TRUB1: variants seen among roughly 807,000 people sequenced by gnomAD.
TRUB1 encodes TruB pseudouridine synthase family member 1.
Under a neutral mutation model 33.9 loss-of-function variants are expected in TRUB1, and 23 were observed. That is an observed-to-expected ratio of 0.68 (90% CI 0.49 to 0.96). The LOEUF (loss-of-function observed/expected upper bound fraction) is 0.96. Among genes scored for constraint, TRUB1 ranks in the 40% least tolerant of loss-of-function variants. The pLI is 0.00. For synonymous variants in TRUB1, 163 were observed against 165.4 expected, an observed-to-expected ratio of 0.99 and a Z score of 0.11; for missense variants, 378 against 422.2, an observed-to-expected ratio of 0.90 and a Z score of 0.92.
rs2084354736 is a variant in TRUB1 at position 114,975,207 on chromosome 10, A to G, written c.878A>G (p.Asp293Gly). 1 of 1,613,600 alleles carries G rather than the reference A, an allele frequency of 6.2e-7. No homozygotes were observed. The highest frequency in any genetic ancestry group is 2.2e-5 in the East Asian group (1 of 44,876). The change falls in exon 8 of 8, where the codon GAC becomes GGC. Residue 293 changes from aspartate to glycine, a missense_variant. Transcript: ENST00000298746. ...CTAGAAGAACATGCCCTTCCTGAAG[A>G]CAAATGGACAATTGATGACATTGCA... ...FTLEEHALPE[D>G]KWTIDDIAQS...
chr10:114,970,400 C>G lies in TRUB1; in HGVS notation c.556C>G (p.Leu186Val), dbSNP rs11197015. 2.5e-6 allele frequency: 4 copies of G among 1,612,266 alleles called. No homozygotes were observed. The highest frequency in any genetic ancestry group is 2.5e-6 in the Non-Finnish European group (3 of 1,178,850). The change falls in exon 5 of 8, where the codon CTA becomes GTA. Residue 186 changes from leucine (L) to valine (V), a missense_variant. Transcript: ENST00000298746. ...KITQEDIEGI[L>V]QKFTGNIMQV... ...AACACAAGAAGATATTGAAGGCATT[C>G]TACAGAAATTTACTGGAAATATAAT... is the stretch of plus-strand genomic sequence containing the variant.
Position 114,948,704 on chromosome 10 carries a change from G to A in TRUB1, c.386-2390G>A, listed in dbSNP as rs80047431. On this transcript the variant is annotated intron_variant, in intron 2 of 7. Coordinates refer to ENST00000298746, the MANE Select transcript of TRUB1 (RefSeq NM_139169.5). ...TCTTAGGTTAAAATGAGAGGATTAA[G>A]CTGGGTAACTCTAAGATGGCTTCTT... is the stretch of plus-strand genomic sequence containing the variant. Among the ~76,000 whole-genome samples, 867 of 152,300 alleles carry A rather than the reference G, an allele frequency of 5.7e-3. 5 individuals carry two copies. Among genetic ancestry groups the A allele is most frequent in the African/African-American group, 0.019 (810 of 41,548 alleles).
intron 1 of TRUB1, among the ~76,000 whole-genome samples, chr10:114,939,758 AG>A (rs2084177383): frequency 6.6e-6 from 1 of 151,168 alleles, no homozygotes; most frequent in Admixed American, 6.6e-5. Flanking sequence ...GTATCATCAT[AG>A]TTTTTTAGTT....
intron 4 of TRUB1, among the ~76,000 whole-genome samples, chr10:114,963,344 T>A (rs1220492047): frequency 6.6e-6 from 1 of 152,226 alleles, no homozygotes; most frequent in Non-Finnish European, 1.5e-5. Flanking sequence ...GCTCAAGAGT[T>A]GAATTTAGTT....
At chr10:114,967,190 A>G (rs1227418157) in intron 4 of TRUB1, among the ~76,000 whole-genome samples, 1 of 152,216 alleles carries the variant, frequency 6.6e-6, no homozygotes, top group African/African-American at 2.4e-5. Context: ...CAGTGAGATC[A>G]CTGTGCTTTG....
intron 1 of TRUB1, among the ~76,000 whole-genome samples, chr10:114,941,736 C>T (rs1052707600): frequency 2.6e-5 from 4 of 152,112 alleles, no homozygotes; most frequent in African/African-American, 9.7e-5. Flanking sequence ...GCAACTTAAT[C>T]TTAGCTGCTT....
intron 3 of TRUB1, among the ~76,000 whole-genome samples, chr10:114,959,366 T>C (rs919945217): frequency 2.0e-5 from 3 of 152,190 alleles, no homozygotes; most frequent in African/African-American, 7.2e-5. Flanking sequence ...GTCAAGGCTA[T>C]TGTACCATTC....
chr10:114,974,933 G>A (rs2084353307), intron 7 of TRUB1, among the ~76,000 whole-genome samples, 190 bp from the exon 8 acceptor site: 1 of 151,916 alleles, frequency 6.6e-6, no homozygotes, highest in Non-Finnish European at 1.5e-5. Context: ...CTTATAAGGT[G>A]GATTATTAAG....
intron 3 of TRUB1, among the ~76,000 whole-genome samples, chr10:114,957,142 T>C (rs941061847): frequency 4.6e-5 from 7 of 152,220 alleles, no homozygotes; most frequent in African/African-American, 1.7e-4. Context: ...TGTGTTTCTA[T>C]TTAGGAAAGA....
At chr10:114,962,460 C>G (rs2084288487) in intron 4 of TRUB1, among the ~76,000 whole-genome samples, 1 of 152,212 alleles carries the variant, frequency 6.6e-6, no homozygotes, top group Admixed American at 6.5e-5. Context: ...TCTGAAATAA[C>G]AGTTAAAAAT....
In TRUB1 at chr10:114,946,855, G is replaced by A. The variant is rs148923454; in HGVS notation, c.385+4112G>A. Among the ~76,000 whole-genome samples, 380 of 152,202 alleles carry A rather than the reference G, an allele frequency of 2.5e-3. 2 individuals are homozygous for A. Among genetic ancestry groups the A allele is most frequent in the African/African-American group, 8.7e-3 (361 of 41,518 alleles). ...TTCACAAGTTTCTCAAAAATACGTG[G>A]TAGGCAAAATAATGGCCCTCTAAAG... On this transcript the variant is annotated intron_variant, in intron 2 of 7. Coordinates refer to ENST00000298746, the MANE Select transcript of TRUB1 (RefSeq NM_139169.5).
intron 2 of TRUB1, among the ~76,000 whole-genome samples, chr10:114,950,738 A>G (rs571674635): frequency 1.3e-5 from 2 of 152,342 alleles, no homozygotes; most frequent in Non-Finnish European, 1.5e-5. Context: ...TATCATACCC[A>G]CTTGAACATG....
intron 3 of TRUB1, among the ~76,000 whole-genome samples, chr10:114,955,200 C>T (rs11197010): frequency 0.51 from 77,684 of 152,062 alleles, 22,035 homozygotes; most frequent in African/African-American, 0.75. Flanking sequence ...AAGTATAAAA[C>T]GTTGCTTACC....
In TRUB1 at chr10:114,938,365, A is replaced by C; in HGVS notation, c.112A>C (p.Arg38=). 4 of 1,611,164 alleles carry C rather than the reference A, an allele frequency of 2.5e-6. No individual in the cohort carries two copies. The highest frequency in any genetic ancestry group is 3.4e-6 in the Non-Finnish European group (4 of 1,178,914). Residue 38 remains arginine, a synonymous_variant, in exon 1 of 8, where the codon AGG becomes CGG. Coordinates refer to ENST00000298746, the MANE Select transcript of TRUB1 (RefSeq NM_139169.5). Reference sequence around the variant, plus strand: ...AGCAATGGCTGCGACCCCGTCAGCAAGGGCTGCAGCCGCGGTGGTTGCGGC... The same window carrying C: ...AGCAATGGCTGCGACCCCGTCAGCACGGGCTGCAGCCGCGGTGGTTGCGGC... The part of the protein sequence containing the change: ...VAAMAATPSA[R]AAAAVVAAAA...
intron 3 of TRUB1, among the ~76,000 whole-genome samples, chr10:114,957,630 A>G (rs1171329574): frequency 6.6e-6 from 1 of 152,218 alleles, no homozygotes; most frequent in Non-Finnish European, 1.5e-5. Context: ...ATAAGGTTTG[A>G]TCCTTAGAGA....
intron 7 of TRUB1, 66 bp downstream of exon 7, chr10:114,974,451 GA>G: frequency 7.1e-7 from 1 of 1,406,348 alleles, no homozygotes; most frequent in South Asian, 1.2e-5. Flanking sequence ...TTGGAAGAGG[GA>G]ATTTTCCGTT....
Position 114,942,675 on chromosome 10 carries a change from A to G in TRUB1, c.317A>G (p.Lys106Arg). 6.2e-7 allele frequency: 1 copy of G among 1,614,048 alleles called. No individual in the cohort carries two copies. Among genetic ancestry groups the G allele is most frequent in the African/African-American group, 1.3e-5 (1 of 75,048 alleles). Residue 106 changes from lysine (K) to arginine (R), a missense_variant, in exon 2 of 8, where the codon AAG becomes AGG. Lys to Arg is a conservative substitution (Grantham distance 26, BLOSUM62 2). Coordinates refer to ENST00000298746, the MANE Select transcript of TRUB1 (RefSeq NM_139169.5). ...EAGMPSPEWT[K>R]RKKQTLKIGH... Reference sequence around the variant, plus strand: ...GGAATGCCTTCTCCAGAATGGACCAAGAGGAAAAAGCAGACTTTGAAAATT... The same window carrying G: ...GGAATGCCTTCTCCAGAATGGACCAGGAGGAAAAAGCAGACTTTGAAAATT...
At chr10:114,970,480 C>G in intron 5 of TRUB1, 40 bp downstream of exon 5, 1 of 1,408,450 alleles carries the variant, frequency 7.1e-7, no homozygotes, top group Non-Finnish European at 1.0e-6. Context: ...GTTTACTTTT[C>G]TTTTCCAATG....
intron 6 of TRUB1, among the ~76,000 whole-genome samples, chr10:114,972,986 C>G (rs1042995789): frequency 6.6e-6 from 1 of 152,158 alleles, no homozygotes; most frequent in African/African-American, 2.4e-5. Context: ...AATCCTCAGA[C>G]TCCTTTAAAT....
Sources: gnomAD v4.1 joint callset for allele counts (sites outside exome capture counted in the v4.1 genomes callset) on GRCh38, gnomAD v4.1.1 for gene constraint, MANE v1.5 for transcripts, NCBI Gene and HGNC (gene_info 2026-07-23, HGNC 2026-07-21) for gene names.